CCDC169: variants seen among roughly 807,000 people sequenced by gnomAD.
The protein encoded by CCDC169 is coiled-coil domain-containing protein 169.
In CCDC169, 30 loss-of-function variants were observed where a neutral mutation model predicts 36.0. The ratio of observed to expected loss-of-function variants is 0.83; its 90% CI spans 0.62 to 1.13. The LOEUF (loss-of-function observed/expected upper bound fraction) is 1.13, where lower values mean the gene tolerates loss of function less well. Among genes scored for constraint, CCDC169 ranks in the 50% most tolerant of loss-of-function variants. The probability of loss-of-function intolerance (pLI) is 0.00; values close to 1 mark genes in which losing one functional copy is unlikely to be tolerated. For missense variants in CCDC169, 245 were observed against 245.9 expected (o/e 1.00, Z 0.03); for synonymous variants, 85 against 81.5 (o/e 1.04, Z -0.23).
intron 2 of CCDC169, among the ~76,000 whole-genome samples, chr13:36,290,001 A>G (rs1335023594): frequency 6.6e-6 from 1 of 152,162 alleles, no homozygotes; most frequent in Non-Finnish European, 1.5e-5. Flanking sequence ...CATAGACTCC[A>G]GTGTCACCAC....
downstream of CCDC169, among the ~76,000 whole-genome samples, chr13:36,227,727 A>C (rs1870008607): frequency 6.6e-6 from 1 of 152,188 alleles, no homozygotes; most frequent in Admixed American, 6.5e-5. Flanking sequence ...AGTTTTCATT[A>C]GTTTCACAGA....
At chr13:36,294,115 A>G (rs1879212929) in intron 2 of CCDC169, among the ~76,000 whole-genome samples, 1 of 152,176 alleles carries the variant, frequency 6.6e-6, no homozygotes, top group Non-Finnish European at 1.5e-5. Context: ...AAAGGAGTAA[A>G]TGTTTCTGCC....
chr13:36,265,819 G>C (rs779069699), intron 4 of CCDC169, among the ~76,000 whole-genome samples: 1 of 152,202 alleles, frequency 6.6e-6, no homozygotes, highest in Non-Finnish European at 1.5e-5. Flanking sequence ...TGGTGATGGA[G>C]ATAGTTATCA....
At chr13:36,223,608 A>G (rs1869720181), downstream of CCDC169, 1 of 152,148 alleles carries the variant, frequency 6.6e-6, no homozygotes, top group Admixed American at 6.6e-5. Context: ...ATTCAATTAT[A>G]TGTAGTGATT....
At chr13:36,291,497 T>G (rs1421167795) in intron 2 of CCDC169, among the ~76,000 whole-genome samples, 3 of 152,210 alleles carry the variant, frequency 2.0e-5, no homozygotes, top group Non-Finnish European at 2.9e-5. Flanking sequence ...CCCTATTTTC[T>G]AACTGGTTAT....
rs552861950 is a variant in CCDC169 at position 36,297,629 on chromosome 13, C to G, written c.83+8G>C. The G allele has an allele frequency of 6.5e-7, 1 of 1,549,780 alleles. No individual in the cohort carries two copies. Among genetic ancestry groups the G allele is most frequent in the East Asian group, 2.4e-5 (1 of 40,908 alleles). ...CGGGACCCCACACCGCGCCGCCCGCCGACTCACTTCTTGCGGACTTCTTCC... is the reference window on the plus strand; with the variant it reads ...CGGGACCCCACACCGCGCCGCCCGCGGACTCACTTCTTGCGGACTTCTTCC... On this transcript the variant is annotated splice_region_variant and intron_variant, in intron 1 of 7. Transcript: ENST00000239859.
intron 6 of CCDC169, among the ~76,000 whole-genome samples, chr13:36,252,538 CCTT>C (rs1873301059): frequency 6.6e-6 from 1 of 152,148 alleles, no homozygotes; most frequent in Non-Finnish European, 1.5e-5. Context: ...TCCTCTACCT[CCTT>C]GTCTGACCTA....
At chr13:36,223,655 C>G (rs1869722515), downstream of CCDC169, 1 of 152,064 alleles carries the variant, frequency 6.6e-6, no homozygotes, top group Non-Finnish European at 1.5e-5. Flanking sequence ...ATACTCTGCC[C>G]TTTTTAAATA....
chr13:36,273,947 C>T (rs147657948), intron 4 of CCDC169, among the ~76,000 whole-genome samples: 250 of 152,298 alleles, frequency 1.6e-3, no homozygotes, highest in African/African-American at 5.7e-3. Flanking sequence ...CCAGGCTCAA[C>T]AGAGAGACAC....
chr13:36,283,213 T>C (rs1877751664), intron 4 of CCDC169: 2 of 464,280 alleles, frequency 4.3e-6, no homozygotes, highest in Non-Finnish European at 7.6e-6. Context: ...TATCTTTCTC[T>C]GAAGGTTGGC....
rs74045289 is a variant in CCDC169, at chr13:36,255,011, T to C, written c.316-868A>G. The stretch of plus-strand genomic sequence containing the variant: ...AACTTGGCCTCACAGTTAGCTGGCT[T>C]CTGCCTGTTGTGGTCATTTTTTTTT... On this transcript the variant is annotated intron_variant, in intron 4 of 7. Coordinates refer to ENST00000239859, the MANE Select transcript of CCDC169 (RefSeq NM_001144981.3). Among the ~76,000 whole-genome samples, 592 of 152,274 alleles carry C rather than the reference T, an allele frequency of 3.9e-3. 2 individuals are homozygous for C. The highest frequency in any genetic ancestry group is 0.014 in the African/African-American group (568 of 41,566).
In CCDC169 at chr13:36,269,882, A is replaced by G. The variant is rs970997685; in HGVS notation, c.315+13587T>C. On this transcript the variant is annotated intron_variant, in intron 4 of 7. Transcript: ENST00000239859. ...ACAGGAACAAGACAAGGCTGCCGAC[A>G]TGCACCACTCCTATTGAATATAGTT... 1.2e-4 allele frequency among the ~76,000 whole-genome samples: 19 copies of G among 152,276 alleles called. No individual in the cohort carries two copies. In the South Asian group the frequency reaches 2.7e-3, roughly 22 times the overall value.
rs1442839712 is a variant in CCDC169, at chr13:36,254,135, T to C, written c.324A>G (p.Leu108=). The change falls in exon 5 of 8, where the codon TTA becomes TTG. Residue 108 remains leucine (L), a synonymous_variant. Transcript: ENST00000239859. ...RVYERMPVES[L]NTLLKQLEEE... is the part of the protein sequence containing the mutation. The stretch of plus-strand genomic sequence containing the variant: ...CTTCTAGCTGTTTAAGTAATGTGTT[T>C]AAGGATTCCTAAAAATATAAATAGT... The C allele has an allele frequency of 1.3e-6, 2 of 1,513,520 alleles. No individual in the cohort carries two copies. Among genetic ancestry groups the C allele is most frequent in the Non-Finnish European group, 1.8e-6 (2 of 1,134,240 alleles). 93.8% of individuals were successfully genotyped at this position (1,513,520 alleles called of 1,614,324 possible).
Position 36,297,546 on chromosome 13 carries a change from A to G in CCDC169, c.83+91T>C, listed in dbSNP as rs956357347. On this transcript the variant is annotated intron_variant, in intron 1 of 7. Coordinates refer to ENST00000239859, the MANE Select transcript of CCDC169 (RefSeq NM_001144981.3). ...GGGTTAATCACGGCGCCGGTCTTAC[A>G]GCACCCTCAGCGGCTTCAGCCCTGA... 7.0e-6 allele frequency: 9 copies of G among 1,293,082 alleles called. No homozygotes were observed. In the Admixed American group the frequency reaches 1.6e-4, roughly 23 times the overall value. 80.1% of individuals were successfully genotyped at this position (1,293,082 alleles called of 1,614,324 possible).
intron 7 of CCDC169, among the ~76,000 whole-genome samples, chr13:36,235,561 A>T (rs1870970737): frequency 6.6e-6 from 1 of 152,008 alleles, no homozygotes; most frequent in Non-Finnish European, 1.5e-5. Context: ...TCTCTAAGAT[A>T]AGGAACAAGT....
chr13:36,222,424 G>A (rs905698126), downstream of CCDC169: 2 of 152,188 alleles, frequency 1.3e-5, no homozygotes, highest in African/African-American at 4.8e-5. Flanking sequence ...GAGGTGGCTG[G>A]ATATTAAGAC....
intron 4 of CCDC169, among the ~76,000 whole-genome samples, chr13:36,278,079 G>T (rs571563146): frequency 3.3e-5 from 5 of 152,194 alleles, no homozygotes; most frequent in African/African-American, 9.6e-5. Context: ...CACATCTTTG[G>T]GCCTTATGCT....
downstream of CCDC169, chr13:36,223,994 A>G (rs1869739273): frequency 1.3e-5 from 2 of 152,170 alleles, no homozygotes; most frequent in Admixed American, 1.3e-4. Flanking sequence ...TGCTAAAACT[A>G]ATTCAGATGA....
downstream of CCDC169, chr13:36,224,172 T>C (rs1285322151): frequency 1.3e-5 from 2 of 152,112 alleles, no homozygotes; most frequent in Non-Finnish European, 2.9e-5. Context: ...AAGGAAAATA[T>C]TGGGAATTAG....
Sources: gnomAD v4.1 joint callset for allele counts (sites outside exome capture counted in the v4.1 genomes callset) on GRCh38, gnomAD v4.1.1 for gene constraint, MANE v1.5 for transcripts, NCBI Gene and HGNC (gene_info 2026-07-23, HGNC 2026-07-21) for gene names.